Variants in URI1 observed in about 807,000 individuals in gnomAD.
URI1 encodes the protein unconventional prefoldin RPB5 interactor 1.
A neutral mutation model predicts 60.2 loss-of-function variants in URI1; 39 were observed. The observed-to-expected ratio is 0.65, with a 90% CI of 0.50 to 0.85. The LOEUF is 0.85. Among genes scored for constraint, URI1 ranks in the 40% least tolerant of loss-of-function variants. URI1 has a pLI of 0.00. For synonymous variants in URI1, 251 were observed against 236.8 expected, an observed-to-expected ratio of 1.06 and a Z score of -0.55; for missense variants, 691 against 665.9, an observed-to-expected ratio of 1.04 and a Z score of -0.42.
chr19:29,981,954 CTT>C (rs2055603807), intron 2 of URI1, among the ~76,000 whole-genome samples: 1 of 152,106 alleles, frequency 6.6e-6, no homozygotes, highest in Non-Finnish European at 1.5e-5. Context: ...CTTAGCATAA[CTT>C]TTGCATTTTC....
intron 1 of URI1, among the ~76,000 whole-genome samples, chr19:29,959,265 A>G (rs2055291612): frequency 1.3e-5 from 2 of 152,196 alleles, no homozygotes; most frequent in South Asian, 2.1e-4. Flanking sequence ...AGCTGGGGCT[A>G]TAGGAATGCG....
chr19:30,008,861 T>C (rs2055977967), intron 7 of URI1, 144 bp from the exon 8 acceptor site: 3 of 667,500 alleles, frequency 4.5e-6, no homozygotes, highest in Admixed American at 3.4e-5. Context: ...TTCAAAACAT[T>C]TTTTTGTTTT....
At chr19:29,985,332 A>T (rs758864323) in intron 3 of URI1, 31 bp downstream of exon 3, 8 of 1,566,898 alleles carry the variant, frequency 5.1e-6, no homozygotes, top group Non-Finnish European at 7.0e-6. Context: ...TTAAAGTAAT[A>T]GTTGTTTCTT....
intron 1 of URI1, among the ~76,000 whole-genome samples, chr19:29,968,994 A>T (rs968822335): frequency 6.6e-6 from 1 of 152,154 alleles, no homozygotes; most frequent in Admixed American, 6.5e-5. Flanking sequence ...GTGGACCATA[A>T]ATCATATAAA....
At chr19:29,992,425 A>G (rs1663530806) in intron 4 of URI1, among the ~76,000 whole-genome samples, 1 of 152,110 alleles carries the variant, frequency 6.6e-6, no homozygotes, top group African/African-American at 2.4e-5. Flanking sequence ...GATTCTGATA[A>G]TTTCAGTCTT....
At chr19:29,944,710 G>T (rs973062294) in intron 1 of URI1, among the ~76,000 whole-genome samples, 8 of 152,170 alleles carry the variant, frequency 5.3e-5, no homozygotes, top group Non-Finnish European at 7.3e-5. Context: ...AAATAACCAC[G>T]TATATCTGTC....
intron 1 of URI1, among the ~76,000 whole-genome samples, chr19:29,950,581 C>T (rs1274717690): frequency 6.6e-6 from 1 of 152,134 alleles, no homozygotes; most frequent in Non-Finnish European, 1.5e-5. Flanking sequence ...CCTTTTCCCC[C>T]TGCAGAACCA....
chr19:29,944,172 T>C (rs1449350588), intron 1 of URI1, among the ~76,000 whole-genome samples: 1 of 78,070 alleles, frequency 1.3e-5, no homozygotes, highest in African/African-American at 6.6e-5. Context: ...TATATATATA[T>C]ATATATATAT....
At chr19:29,957,040 A>C in intron 1 of URI1, 1 of 587,934 alleles carries the variant, frequency 1.7e-6, no homozygotes, top group South Asian at 1.9e-5. Flanking sequence ...CTTTTTAAGA[A>C]TGCAAATTGG....
At position 30,015,088 on chromosome 19, in the gene URI1, G is replaced by T. The variant is rs755791081; in HGVS notation, c.*19G>T. Reference sequence around the variant, plus strand: ...AGACTAGGCCCTGTCTAGGAAATGGGAATTTACATCCTAAAACCTAGTTGT... The same window carrying T: ...AGACTAGGCCCTGTCTAGGAAATGGTAATTTACATCCTAAAACCTAGTTGT... On this transcript the variant is annotated 3_prime_UTR_variant, in exon 11 of 11. Transcript: ENST00000392271. 1 of 1,605,728 alleles carries T rather than the reference G, an allele frequency of 6.2e-7. No individual in the cohort carries two copies. The highest frequency in any genetic ancestry group is 8.5e-7 in the Non-Finnish European group (1 of 1,176,674).
At chr19:29,967,521 G>T (rs748220477) in intron 1 of URI1, among the ~76,000 whole-genome samples, 2 of 152,172 alleles carry the variant, frequency 1.3e-5, no homozygotes, top group Non-Finnish European at 2.9e-5. Context: ...AAGAAATAAG[G>T]ATTATAATGT....
intron 4 of URI1, among the ~76,000 whole-genome samples, chr19:30,000,519 T>A (rs1028358232): frequency 6.6e-6 from 1 of 152,038 alleles, no homozygotes; most frequent in Non-Finnish European, 1.5e-5. Flanking sequence ...CTCCTGCTTC[T>A]TATTGTTAAG....
intron 4 of URI1, among the ~76,000 whole-genome samples, chr19:30,000,534 CT>C (rs1220883596): frequency 2.0e-5 from 3 of 152,052 alleles, no homozygotes; most frequent in Non-Finnish European, 4.4e-5. Flanking sequence ...GTTAAGTAGA[CT>C]GTTTAGAATT....
chr19:30,005,800 G>C, intron 6 of URI1, 92 bp downstream of exon 6: 1 of 1,205,620 alleles, frequency 8.3e-7, no homozygotes, highest in Non-Finnish European at 1.2e-6. Flanking sequence ...TTGGGATTTA[G>C]AATACACTTT....
rs759609380 is a variant in URI1, at chr19:29,968,283, TAAAC to T, written c.118-2906_118-2903del. Among the ~76,000 whole-genome samples, 20 of 152,234 alleles carry T rather than the reference TAAAC, an allele frequency of 1.3e-4. 1 individual carries two copies. The highest frequency in any genetic ancestry group is 2.4e-4 in the Non-Finnish European group (16 of 67,982). Reference sequence around the variant, plus strand: ...TGCATGTTTTGGCAGGTTTAAAAAATAAACAAAAACTAGTTTTGTTCTTCCATTG... The same window carrying T: ...TGCATGTTTTGGCAGGTTTAAAAAATAAAAACTAGTTTTGTTCTTCCATTG... On this transcript the variant is annotated intron_variant, in intron 1 of 10. Transcript: ENST00000392271.
intron 8 of URI1, among the ~76,000 whole-genome samples, 175 bp from the exon 9 acceptor site, chr19:30,010,919 C>G (rs2056009278): frequency 6.6e-6 from 1 of 152,076 alleles, no homozygotes; most frequent in African/African-American, 2.4e-5. Context: ...TGTCATAGAT[C>G]TATGAGATAA....
chr19:29,958,373 C>T (rs1054489849), intron 1 of URI1, among the ~76,000 whole-genome samples: 9 of 152,134 alleles, frequency 5.9e-5, no homozygotes, highest in Non-Finnish European at 1.3e-4. Flanking sequence ...TGTAGCTACT[C>T]GTTATGAAAA....
rs1296573551 is a variant in URI1, at chr19:29,942,281, G to C, written c.-267G>C. 1.0e-6 allele frequency: 1 copy of C among 985,028 alleles called. No individual in the cohort carries two copies. The highest frequency in any genetic ancestry group is 1.8e-5 in the African/African-American group (1 of 57,106). The allele number at this position is 985,028 out of a possible 1,614,324, so 61.0% of individuals were successfully genotyped here. On this transcript the variant is annotated 5_prime_UTR_variant, in exon 1 of 11. Transcript: ENST00000392271. The stretch of plus-strand genomic sequence containing the variant: ...CGCCACGCGACGCCTGGCTGGGCCC[G>C]CACCGGAGAGGCGTCTCGGTACCTG...
At chr19:29,992,785 A>G (rs1213762322) in intron 4 of URI1, among the ~76,000 whole-genome samples, 6 of 152,210 alleles carry the variant, frequency 3.9e-5, no homozygotes, top group African/African-American at 1.4e-4. Flanking sequence ...AGAGGTTTCT[A>G]CAGTATAGAC....
Sources: allele counts gnomAD v4.1 joint callset (sites outside exome capture counted in the v4.1 genomes callset), GRCh38; gene constraint gnomAD v4.1.1; transcripts MANE v1.5; gene names NCBI Gene and HGNC (gene_info 2026-07-23, HGNC 2026-07-21).